Variants in GPR107 observed in about 807,000 individuals in gnomAD.
GPR107 encodes G protein-coupled receptor 107.
A neutral mutation model predicts 75.5 loss-of-function variants in GPR107; 31 were observed. The observed-to-expected ratio is 0.41, with a 90% CI of 0.31 to 0.55. The LOEUF (loss-of-function observed/expected upper bound fraction) is 0.55, where lower values mean the gene tolerates loss of function less well. Ranked by LOEUF, GPR107 falls within the 20% of genes least tolerant of loss-of-function variation. The pLI is 0.26. For synonymous variants in GPR107, 267 were observed against 251.3 expected, an observed-to-expected ratio of 1.06 and a Z score of -0.59; for missense variants, 572 against 665.7, an observed-to-expected ratio of 0.86 and a Z score of 1.55.
chr9:130,117,313 G>A (rs1404922433), intron 14 of GPR107, among the ~76,000 whole-genome samples: 1 of 152,152 alleles, frequency 6.6e-6, no homozygotes, highest in African/African-American at 2.4e-5. Flanking sequence ...TTTATTCTGT[G>A]TGTAGTTGTT....
At chr9:130,100,202 C>T (rs1316709457) in intron 10 of GPR107, among the ~76,000 whole-genome samples, 1 of 152,094 alleles carries the variant, frequency 6.6e-6, no homozygotes, top group East Asian at 1.9e-4. Flanking sequence ...GCCTCCACGA[C>T]TTTTTTATGT....
At chr9:130,118,786 T>G (rs1831483711) in intron 14 of GPR107, among the ~76,000 whole-genome samples, 1 of 152,164 alleles carries the variant, frequency 6.6e-6, no homozygotes, top group Non-Finnish European at 1.5e-5. Flanking sequence ...ATGATTCTGT[T>G]GCTCACCCCC....
At chr9:130,091,044 T>G in intron 8 of GPR107, 61 bp downstream of exon 8, 1 of 753,880 alleles carries the variant, frequency 1.3e-6, no homozygotes, top group Non-Finnish European at 2.3e-6. Flanking sequence ...GGAGATTTGT[T>G]TCTGTATAAG....
intron 14 of GPR107, among the ~76,000 whole-genome samples, chr9:130,120,292 C>T (rs561681506): frequency 1.2e-4 from 18 of 152,256 alleles, no homozygotes; most frequent in African/African-American, 4.3e-4. Context: ...ATTTATGGAG[C>T]GGCTCATAGC....
chr9:130,058,098 G>A (rs1259410024), intron 1 of GPR107, among the ~76,000 whole-genome samples: 1 of 151,852 alleles, frequency 6.6e-6, no homozygotes, highest in Non-Finnish European at 1.5e-5. Flanking sequence ...CAAAGTGCTG[G>A]GATTACAGGC....
intron 14 of GPR107, among the ~76,000 whole-genome samples, chr9:130,124,172 C>T (rs923973372): frequency 3.9e-5 from 6 of 152,210 alleles, no homozygotes; most frequent in Non-Finnish European, 8.8e-5. Flanking sequence ...CATTCTTAAA[C>T]TGAATCAGTA....
At chr9:130,130,242 G>A (rs191497617) in intron 17 of GPR107, among the ~76,000 whole-genome samples, 24 of 152,338 alleles carry the variant, frequency 1.6e-4, no homozygotes, top group East Asian at 1.5e-3. Context: ...TAATCAGCAA[G>A]TTAAAAAGTA....
chr9:130,070,011 TA>T lies in GPR107; in HGVS notation c.142-5622del, dbSNP rs67488637. On this transcript the variant is annotated intron_variant, in intron 1 of 17. Transcript: ENST00000347136. ...TTTTTTTTTTTTTTTTTTTTTTTTT[TA>T]AATTTTTTTGAGACAGGGTCTTGCT... Among the ~76,000 whole-genome samples, 88 of 31,562 alleles carry T rather than the reference TA, an allele frequency of 2.8e-3. 11 individuals are homozygous for T. Among genetic ancestry groups the T allele is most frequent in the African/African-American group, 6.9e-3 (67 of 9,704 alleles). The allele number at this position is 31,562 out of a possible 152,430, so 20.7% of individuals were successfully genotyped here. A position where few individuals can be genotyped will look rare whatever the true frequency, so the allele number is the denominator to read the frequency against.
intron 1 of GPR107, among the ~76,000 whole-genome samples, chr9:130,067,981 C>G (rs986231998): frequency 2.0e-5 from 3 of 151,916 alleles, no homozygotes; most frequent in African/African-American, 7.3e-5. Flanking sequence ...TTCAAGTGAT[C>G]CTCCCACCTC....
At chr9:130,064,262 A>G (rs1299948518) in intron 1 of GPR107, among the ~76,000 whole-genome samples, 3 of 132,478 alleles carry the variant, frequency 2.3e-5, no homozygotes, top group Admixed American at 8.8e-5. Context: ...CAGTGGCGCA[A>G]TCTCGGCTCA....
intron 4 of GPR107, among the ~76,000 whole-genome samples, chr9:130,078,534 TA>T (rs1272962969): frequency 6.6e-6 from 1 of 152,228 alleles, no homozygotes; most frequent in Non-Finnish European, 1.5e-5. Flanking sequence ...AGACTTGACT[TA>T]GACTCTGGCG....
At chr9:130,075,241 CTTTTTTT>C (rs149248581) in intron 1 of GPR107, among the ~76,000 whole-genome samples, 1 of 76,738 alleles carries the variant, frequency 1.3e-5, no homozygotes, top group African/African-American at 4.6e-5. Context: ...TTTCTTTTAC[CTTTTTTT>C]TTTTTTTTTT....
chr9:130,118,164 G>T (rs1399073841), intron 14 of GPR107, among the ~76,000 whole-genome samples: 1 of 152,082 alleles, frequency 6.6e-6, no homozygotes, highest in Admixed American at 6.6e-5. Flanking sequence ...AGTGTGTCAG[G>T]CCTGCTTCCC....
chr9:130,088,337 CTT>C (rs990876222), intron 7 of GPR107, among the ~76,000 whole-genome samples: 9 of 152,222 alleles, frequency 5.9e-5, no homozygotes, highest in African/African-American at 2.2e-4. Flanking sequence ...TTCCGTAAGT[CTT>C]TGCTGAAATG....
rs185926116 is a variant in GPR107 at position 130,091,345 on chromosome 9, C to T, written c.729+362C>T. 1.3e-3 allele frequency among the ~76,000 whole-genome samples: 204 copies of T among 152,092 alleles called. 1 individual carries two copies. Among genetic ancestry groups the T allele is most frequent in the Middle Eastern group, 3.4e-3 (1 of 294 alleles). The stretch of plus-strand genomic sequence containing the variant: ...CTCTACAAAAAATGTGAAAAATTAG[C>T]CAGGCGTGGTGGTACACACCTCTAG... On this transcript the variant is annotated intron_variant, in intron 8 of 17. Transcript: ENST00000347136.
chr9:130,110,296 G>A (rs777779912), intron 14 of GPR107: 36 of 865,718 alleles, frequency 4.2e-5, no homozygotes, highest in Non-Finnish European at 6.3e-5. Flanking sequence ...TGTAGTAAAG[G>A]GTAACTTCCT....
rs1321909764 is a variant in GPR107, at chr9:130,137,085, C to G, written c.*1964C>G. ...ACTACCAAAGCCCTCCTCAGTCCTT[C>G]CCTCAGAGGGACACATTTGCTGTTT... On this transcript the variant is annotated 3_prime_UTR_variant, in exon 18 of 18. Transcript: ENST00000347136. The G allele has an allele frequency of 6.6e-6, 1 of 152,234 alleles. No homozygotes were observed. The highest frequency in any genetic ancestry group is 1.5e-5 in the Non-Finnish European group (1 of 68,040). 9.4% of individuals were successfully genotyped at this position (152,234 alleles called of 1,614,324 possible).
chr9:130,078,567 AC>A (rs1686520936), intron 4 of GPR107, among the ~76,000 whole-genome samples: 1 of 152,188 alleles, frequency 6.6e-6, no homozygotes, highest in South Asian at 2.1e-4. Flanking sequence ...GACATTGATT[AC>A]CTCACCTATG....
intron 17 of GPR107, 56 bp from the exon 18 acceptor site, chr9:130,134,969 G>A (rs1205718769): frequency 7.3e-6 from 7 of 963,094 alleles, no homozygotes; most frequent in Non-Finnish European, 1.2e-5. Flanking sequence ...GGCAGAGATG[G>A]CCTTTTACTA....
Sources: gnomAD v4.1 joint callset for allele counts (sites outside exome capture counted in the v4.1 genomes callset) on GRCh38, gnomAD v4.1.1 for gene constraint, MANE v1.5 for transcripts, NCBI Gene and HGNC (gene_info 2026-07-23, HGNC 2026-07-21) for gene names.